Variants in ANK2 observed in about 807,000 individuals in gnomAD.
ANK2 encodes ankyrin 2.
ANK2 carries 83 observed loss-of-function variants against 360.5 expected under a neutral mutation model. The observed-to-expected ratio is 0.23, with a 90% CI of 0.19 to 0.28. ANK2 has a LOEUF of 0.28. ANK2 is among the 10% of genes least tolerant of loss of function. The pLI is 1.00. For synonymous variants in ANK2, 1,740 were observed against 1,759.5 expected, an observed-to-expected ratio of 0.99 and a Z score of 0.28; for missense variants, 4,201 against 4,795.7, an observed-to-expected ratio of 0.88 and a Z score of 3.66.
At chr4:113,346,312 T>A (rs1430598706) in intron 35 of ANK2, among the ~76,000 whole-genome samples, 1 of 152,180 alleles carries the variant, frequency 6.6e-6, no homozygotes, top group Non-Finnish European at 1.5e-5. Flanking sequence ...AGTAAGAAAA[T>A]TTGGCTTCAG....
intron 13 of ANK2, among the ~76,000 whole-genome samples, chr4:113,258,737 A>G (rs1441164779): frequency 6.6e-6 from 1 of 152,194 alleles, no homozygotes; most frequent in Non-Finnish European, 1.5e-5. Flanking sequence ...TGAATGGATA[A>G]TTGGTTCGAA....
At chr4:112,996,812 C>A (rs2048686538) in intron 2 of ANK2, among the ~76,000 whole-genome samples, 1 of 152,056 alleles carries the variant, frequency 6.6e-6, no homozygotes, top group Non-Finnish European at 1.5e-5. Flanking sequence ...GTTGTGCCAC[C>A]AAATAATAGG....
intron 1 of ANK2, among the ~76,000 whole-genome samples, chr4:112,847,538 A>G (rs781488548): frequency 7.2e-5 from 11 of 152,250 alleles, no homozygotes; most frequent in South Asian, 4.1e-4. Flanking sequence ...TTGTTTCCTT[A>G]GGTGACCTGT....
In ANK2 at chr4:112,822,962, C is replaced by T. The variant is rs192504786; in HGVS notation, c.-40+4698C>T. Among the ~76,000 whole-genome samples, 5 of 152,090 alleles carry T rather than the reference C, an allele frequency of 3.3e-5. No individual in the cohort carries two copies. In the East Asian group the frequency reaches 7.7e-4, roughly 23 times the overall value. The stretch of plus-strand genomic sequence containing the variant: ...TAATGAGATTTAAAAGGTAATCCAA[C>T]ATTATGCTGTTCCATAATGTTTTTA... On this transcript the variant is annotated intron_variant, in intron 1 of 30. Coordinates refer to the ANK2 transcript ENST00000503271.
rs748602773 is a variant in ANK2, at chr4:113,264,889, C to T, written c.1387-8C>T. On this transcript the variant is annotated splice_polypyrimidine_tract_variant and splice_region_variant and intron_variant, in intron 13 of 45. Coordinates refer to ENST00000357077, the MANE Select transcript of ANK2 (RefSeq NM_001148.6). ...ATTTATGATTTGACGATCTTTGTTCCCTGGCAGCGTGGTGAGACGGCACTA... is the reference window on the plus strand; with the variant it reads ...ATTTATGATTTGACGATCTTTGTTCTCTGGCAGCGTGGTGAGACGGCACTA... 93 of 1,557,412 alleles carry T rather than the reference C, an allele frequency of 6.0e-5. No homozygotes were observed. The highest frequency in any genetic ancestry group is 7.0e-5 in the Non-Finnish European group (80 of 1,149,810).
At chr4:113,308,779 T>C (rs2078454490) in intron 23 of ANK2, among the ~76,000 whole-genome samples, 1 of 152,158 alleles carries the variant, frequency 6.6e-6, no homozygotes, top group Non-Finnish European at 1.5e-5. Flanking sequence ...GGCAGAAATA[T>C]GGATGTTTTA....
chr4:113,312,254 T>C (rs1322295307), intron 24 of ANK2, among the ~76,000 whole-genome samples: 2 of 139,406 alleles, frequency 1.4e-5, no homozygotes, highest in Non-Finnish European at 3.1e-5. Flanking sequence ...CTGGGCAACA[T>C]AGCAAGACAC....
At chr4:112,799,569 T>G in the ANK2 span, among the ~76,000 whole-genome samples, 1 of 152,010 alleles carries the variant, frequency 6.6e-6, no homozygotes, top group South Asian at 2.1e-4. Flanking sequence ...CCGGCTGGAG[T>G]GCAGTGGCAG....
chr4:113,211,727 G>A (rs1401736733), intron 4 of ANK2, among the ~76,000 whole-genome samples: 1 of 152,116 alleles, frequency 6.6e-6, no homozygotes. Context: ...GAAATTCACA[G>A]GGTCAAGTGT....
chr4:112,754,843 T>C, the ANK2 span, among the ~76,000 whole-genome samples: 27 of 152,184 alleles, frequency 1.8e-4, no homozygotes, highest in African/African-American at 6.5e-4. Context: ...TTTGAGGAGA[T>C]GAAATATTGG....
Position 113,357,558 on chromosome 4 carries a change from T to C in ANK2, c.8940T>C (p.Thr2980=). Reference sequence around the variant, plus strand: ...TAGTGGCAAGCTCCTCTAGTGGAACTGTTTTAAGCAAAGAATCTAATTTTG... The same window carrying C: ...TAGTGGCAAGCTCCTCTAGTGGAACCGTTTTAAGCAAAGAATCTAATTTTG... ...DVVVASSSSG[T]VLSKESNFEG... Residue 2980 remains threonine (T), a synonymous_variant, in exon 38 of 46, where the codon ACT becomes ACC. Coordinates refer to ENST00000357077, the MANE Select transcript of ANK2 (RefSeq NM_001148.6). 6.2e-7 allele frequency: 1 copy of C among 1,614,136 alleles called. No individual in the cohort carries two copies.
intron 4 of ANK2, among the ~76,000 whole-genome samples, chr4:113,208,126 A>G (rs1044772893): frequency 7.9e-5 from 12 of 152,100 alleles, no homozygotes; most frequent in African/African-American, 2.7e-4. Flanking sequence ...TAAGCCCAAT[A>G]TGAAGCTGGC....
At chr4:112,873,519 G>A (rs940859689) in intron 1 of ANK2, among the ~76,000 whole-genome samples, 2 of 149,050 alleles carry the variant, frequency 1.3e-5, no homozygotes, top group Admixed American at 6.7e-5. Flanking sequence ...ATTTCCTTCT[G>A]TTATGGGTTT....
At chr4:113,251,608 G>A (rs185418214) in intron 10 of ANK2, among the ~76,000 whole-genome samples, 3 of 144,024 alleles carry the variant, frequency 2.1e-5, no homozygotes, top group Non-Finnish European at 4.5e-5. Flanking sequence ...TCAGCCTCCC[G>A]AGTAGCTGGA....
chr4:112,982,848 G>A (rs1464483672), intron 2 of ANK2, among the ~76,000 whole-genome samples: 1 of 152,150 alleles, frequency 6.6e-6, no homozygotes, highest in African/African-American at 2.4e-5. Flanking sequence ...TACATTTTGT[G>A]GCTCCTCCTG....
In ANK2 at chr4:113,381,468, G is replaced by A. The variant is rs1046277117; in HGVS notation, c.11871G>A (p.Glu3957=). ...SDTEQSEDNN[E] Reference sequence around the variant, plus strand: ...CTGCTTTTCTCCAGGACAACAATGAGTAAAGCCATCACACAGAAGAGGGCT... The same window carrying A: ...CTGCTTTTCTCCAGGACAACAATGAATAAAGCCATCACACAGAAGAGGGCT... The change falls in exon 46 of 46, where the codon GAG becomes GAA. Residue 3957 remains glutamate, a synonymous_variant. Transcript: ENST00000357077. 6 of 1,614,064 alleles carry A rather than the reference G, an allele frequency of 3.7e-6. No homozygotes were observed. In the African/African-American group the frequency reaches 8.0e-5, roughly 22 times the overall value.
the ANK2 span, among the ~76,000 whole-genome samples, chr4:112,770,712 A>T: frequency 0.013 from 596 of 45,210 alleles, 2 homozygotes; most frequent in Middle Eastern, 0.098. Flanking sequence ...TCTCTCTCTC[A>T]AAAAAAAAAA....
chr4:113,336,266 C>A, intron 30 of ANK2: 1 of 562,512 alleles, frequency 1.8e-6, no homozygotes, highest in Non-Finnish European at 3.0e-6. Context: ...CAAAATTAAT[C>A]TCCAGCTACA....
chr4:112,733,749 A>C, the ANK2 span, among the ~76,000 whole-genome samples: 653 of 152,312 alleles, frequency 4.3e-3, 6 homozygotes, highest in Non-Finnish European at 5.7e-3. Context: ...AAGAAAAGGA[A>C]AAACTGAAGA....
Sources: allele counts gnomAD v4.1 joint callset (sites outside exome capture counted in the v4.1 genomes callset), GRCh38; gene constraint gnomAD v4.1.1; transcripts MANE v1.5; gene names NCBI Gene and HGNC (gene_info 2026-07-23, HGNC 2026-07-21).